Variants in PDZD2 observed in about 807,000 individuals in gnomAD.
PDZD2 encodes the protein PDZ domain containing 2.
Under a neutral mutation model 220.7 loss-of-function variants are expected in PDZD2, and 90 were observed. The observed-to-expected ratio is 0.41, with a 90% CI of 0.34 to 0.49. PDZD2 has a LOEUF of 0.49. Among genes scored for constraint, PDZD2 ranks in the 20% least tolerant of loss-of-function variants. The pLI is 0.28. For missense variants in PDZD2, 3,174 were observed against 3,608.5 expected (o/e 0.88, Z 3.08); for synonymous variants, 1,375 against 1,450.5 (o/e 0.95, Z 1.18).
At chr5:31,794,230 A>G (rs1240106926) in intron 1 of PDZD2, among the ~76,000 whole-genome samples, 1 of 152,096 alleles carries the variant, frequency 6.6e-6, no homozygotes, top group East Asian at 1.9e-4. Flanking sequence ...CTGACGTCAT[A>G]GTGTTTTGCA....
intron 1 of PDZD2, among the ~76,000 whole-genome samples, chr5:31,652,967 G>A (rs573027594): frequency 3.9e-5 from 6 of 152,178 alleles, no homozygotes; most frequent in South Asian, 4.2e-4. Flanking sequence ...AGCCGAGATC[G>A]TGCCATTGAA....
chr5:31,838,963 G>A (rs1480444695), intron 2 of PDZD2, among the ~76,000 whole-genome samples: 1 of 152,188 alleles, frequency 6.6e-6, no homozygotes, highest in Non-Finnish European at 1.5e-5. Flanking sequence ...ATTCTCCCAT[G>A]TGGCATCTCA....
intron 2 of PDZD2, among the ~76,000 whole-genome samples, chr5:31,835,235 T>C (rs1351921854): frequency 6.6e-6 from 1 of 152,212 alleles, no homozygotes; most frequent in Non-Finnish European, 1.5e-5. Context: ...TGGGCATCAT[T>C]GAGATGAGAT....
At chr5:32,106,524 TATC>T (rs1235706828) in intron 24 of PDZD2, 1 of 152,228 alleles carries the variant, frequency 6.6e-6, no homozygotes, top group East Asian at 1.9e-4. Flanking sequence ...ACAAGACAGA[TATC>T]ATCATCACCA....
At chr5:31,772,680 T>A (rs963454941) in intron 1 of PDZD2, among the ~76,000 whole-genome samples, 1 of 152,248 alleles carries the variant, frequency 6.6e-6, no homozygotes, top group African/African-American at 2.4e-5. Context: ...GGATAAATTT[T>A]AAATTTCTAT....
rs181308936 is a variant in PDZD2 at position 31,908,268 on chromosome 5, C to T, written c.477-74887C>T. 2.1e-3 allele frequency: 433 copies of T among 207,148 alleles called. 3 individuals are homozygous for T. The highest frequency in any genetic ancestry group is 9.7e-3 in the African/African-American group (419 of 43,012). The allele number at this position is 207,148 out of a possible 1,614,324, so 12.8% of individuals were successfully genotyped here. A position where few individuals can be genotyped will look rare whatever the true frequency, so the allele number is the denominator to read the frequency against. On this transcript the variant is annotated intron_variant, in intron 2 of 24. Transcript: ENST00000438447. ...TTTGTTTGAAATTTAAGCAAGGCCCCGCCCCCGCTCCCCATGAGCGCAGCT... is the reference window on the plus strand; with the variant it reads ...TTTGTTTGAAATTTAAGCAAGGCCCTGCCCCCGCTCCCCATGAGCGCAGCT...
chr5:32,062,518 A>G (rs1739785077), intron 14 of PDZD2, among the ~76,000 whole-genome samples: 1 of 151,088 alleles, frequency 6.6e-6, no homozygotes, highest in Non-Finnish European at 1.5e-5. Flanking sequence ...CTCAGCCTCC[A>G]GAGTAGCTGG....
At chr5:31,722,937 C>T (rs1202030784) in intron 1 of PDZD2, among the ~76,000 whole-genome samples, 2 of 152,194 alleles carry the variant, frequency 1.3e-5, no homozygotes, top group Non-Finnish European at 2.9e-5. Context: ...ATCCACCCTC[C>T]TCAACCTCCC....
chr5:31,739,803 G>A (rs572918571), intron 1 of PDZD2, among the ~76,000 whole-genome samples: 1 of 152,264 alleles, frequency 6.6e-6, no homozygotes, highest in South Asian at 2.1e-4. Flanking sequence ...CAGAACTGTA[G>A]GGTGGATGCC....
chr5:31,674,222 C>G (rs563261439), intron 1 of PDZD2, among the ~76,000 whole-genome samples: 2 of 152,170 alleles, frequency 1.3e-5, no homozygotes, highest in Admixed American at 6.5e-5. Flanking sequence ...GCTTCAAATA[C>G]AGTCTGTGAA....
chr5:31,985,779 A>C (rs1750664928), intron 3 of PDZD2, among the ~76,000 whole-genome samples: 1 of 152,044 alleles, frequency 6.6e-6, no homozygotes, highest in Admixed American at 6.5e-5. Context: ...TAATAAATTT[A>C]ATTAAAATTG....
chr5:31,692,042 A>G (rs1260793663), intron 1 of PDZD2, among the ~76,000 whole-genome samples: 1 of 152,166 alleles, frequency 6.6e-6, no homozygotes, highest in African/African-American at 2.4e-5. Flanking sequence ...GGTCGATGGG[A>G]CTGGGCGCAG....
At chr5:31,811,117 A>G (rs1461620046) in intron 2 of PDZD2, among the ~76,000 whole-genome samples, 1 of 152,176 alleles carries the variant, frequency 6.6e-6, no homozygotes, top group Non-Finnish European at 1.5e-5. Context: ...GCTCTGAAGC[A>G]GCTGGGACTA....
At position 31,983,601 on chromosome 5, in the gene PDZD2, G is replaced by T. The variant is rs753938084; in HGVS notation, c.923G>T (p.Arg308Leu). The T allele has an allele frequency of 5.6e-6, 9 of 1,614,012 alleles. No individual in the cohort carries two copies. In the Admixed American group the frequency reaches 8.3e-5, roughly 15 times the overall value. The change falls in exon 3 of 25, where the codon CGC becomes CTC. Residue 308 changes from arginine to leucine, a missense_variant. This residue lies in a region of PDZD2 where 632 missense variants were observed against 708.1 expected (regional missense o/e 0.89). Transcript: ENST00000438447. ...DAPLTTSNDK[R>L]RFSKGGKTDF... ...CCTCTGACCACAAGCAATGACAAAC[G>T]CCGCTTCTCAAAAGGTGGGAAGACG...
At chr5:31,757,077 A>T (rs1751344869) in intron 1 of PDZD2, among the ~76,000 whole-genome samples, 1 of 152,104 alleles carries the variant, frequency 6.6e-6, no homozygotes, top group Non-Finnish European at 1.5e-5. Context: ...TGAGGCCAGG[A>T]GTTTGAGACC....
At chr5:31,804,669 T>G (rs1451624014) in intron 2 of PDZD2, among the ~76,000 whole-genome samples, 1 of 131,166 alleles carries the variant, frequency 7.6e-6, no homozygotes, top group African/African-American at 2.6e-5. Flanking sequence ...CTGCACCAGA[T>G]CTGTACTTTG....
intron 12 of PDZD2, among the ~76,000 whole-genome samples, chr5:32,058,847 C>T (rs1352420838): frequency 6.6e-6 from 1 of 152,136 alleles, no homozygotes; most frequent in Non-Finnish European, 1.5e-5. Context: ...CCCACCTACT[C>T]TAGAAACATG....
At chr5:31,694,374 A>T (rs1222095658) in intron 1 of PDZD2, among the ~76,000 whole-genome samples, 1 of 152,016 alleles carries the variant, frequency 6.6e-6, no homozygotes, top group Admixed American at 6.6e-5. Flanking sequence ...CCTGGGCAAC[A>T]GAGTGAGACT....
chr5:31,694,414 A>AT (rs1747284085), intron 1 of PDZD2, among the ~76,000 whole-genome samples: 1 of 152,130 alleles, frequency 6.6e-6, no homozygotes, highest in Admixed American at 6.6e-5. Context: ...AAAAAACAAA[A>AT]AACAATGCTT....
Sources: allele counts gnomAD v4.1 joint callset (sites outside exome capture counted in the v4.1 genomes callset), GRCh38; gene constraint gnomAD v4.1.1; regional missense constraint gnomAD v4.1.1; transcripts MANE v1.5; gene names NCBI Gene and HGNC (gene_info 2026-07-23, HGNC 2026-07-21).